IRX2: variants seen among roughly 807,000 people sequenced by gnomAD.
The protein encoded by IRX2 is iroquois-class homeodomain protein IRX-2.
Under a neutral mutation model 42.9 loss-of-function variants are expected in IRX2, and 26 were observed. That is an observed-to-expected ratio of 0.61 (90% CI 0.44 to 0.84). The LOEUF (loss-of-function observed/expected upper bound fraction) is 0.84. Among genes scored for constraint, IRX2 ranks in the 40% least tolerant of loss-of-function variants. IRX2 has a pLI of 0.00. For missense variants in IRX2, 782 were observed against 713.9 expected, an observed-to-expected ratio of 1.10 and a Z score of -1.09; for synonymous variants, 424 against 353.9, an observed-to-expected ratio of 1.20 and a Z score of -2.22.
Position 2,748,798 on chromosome 5 carries a change from GCGCGGCCTCGGGCGGGGGGCTC to G in IRX2, c.888_909del (p.Ser297ProfsTer95). 1 of 1,427,510 alleles carries G rather than the reference GCGCGGCCTCGGGCGGGGGGCTC, an allele frequency of 7.0e-7. No homozygotes were observed. Among genetic ancestry groups the G allele is most frequent in the Non-Finnish European group, 9.1e-7 (1 of 1,104,064 alleles). 88.4% of individuals were successfully genotyped at this position (1,427,510 alleles called of 1,614,324 possible). A position where few individuals can be genotyped will look rare whatever the true frequency, so the allele number is the denominator to read the frequency against. ...TGGGGCGTCTTGCGGCCACCGCGGG[GCGCGGCCTCGGGCGGGGGGCTC>G]AGCAGCGGCGCCTCCAAGCCGGTAA... On this transcript the variant is annotated frameshift_variant, in exon 3 of 4. Coordinates refer to ENST00000302057, the MANE Select transcript of IRX2 (RefSeq NM_033267.5). LOFTEE classifies it high-confidence loss of function.
chr5:2,751,301 C>A lies in IRX2; in HGVS notation c.113G>T (p.Arg38Leu). The A allele has an allele frequency of 7.0e-7, 1 of 1,432,716 alleles. No homozygotes were observed. The highest frequency in any genetic ancestry group is 9.1e-7 in the Non-Finnish European group (1 of 1,093,242). The allele number at this position is 1,432,716 out of a possible 1,614,324, so 88.8% of individuals were successfully genotyped here. Residue 38 changes from arginine (R) to leucine (L), a missense_variant, in exon 1 of 4, where the codon CGC (arginine) becomes CTC (leucine). Arg to Leu is a moderately radical substitution (Grantham distance 102). This residue lies in a region of IRX2 where 256 missense variants were observed against 250.0 expected (regional missense o/e 1.02). Transcript: ENST00000302057. This position sits in a 1 kb window ranked among gnomAD's most constrained non-coding sequence, Gnocchi z 4.0. ...LAAPRSEELA[R>L]SASGSAFSPY... ...GCTGAACGCCGAGCCCGACGCCGAGCGCGCCAGCTCCTCGCTGCGCGGAGC... is the reference window on the plus strand; with the variant it reads ...GCTGAACGCCGAGCCCGACGCCGAGAGCGCCAGCTCCTCGCTGCGCGGAGC...
downstream of IRX2, among the ~76,000 whole-genome samples, chr5:2,740,974 A>C (rs184422350): frequency 8.4e-4 from 128 of 152,220 alleles, 1 homozygote; most frequent in East Asian, 0.022. Flanking sequence ...TAATCTGGTC[A>C]CTCACCTCCT....
the IRX2 span, among the ~76,000 whole-genome samples, chr5:2,738,180 C>T: frequency 2.0e-5 from 3 of 152,240 alleles, no homozygotes; most frequent in Admixed American, 2.0e-4. Flanking sequence ...TCAGCCCCTT[C>T]CTTTATAAAA....
the IRX2 span, among the ~76,000 whole-genome samples, chr5:2,736,179 C>T: frequency 6.6e-6 from 1 of 152,182 alleles, no homozygotes; most frequent in African/African-American, 2.4e-5. Context: ...CCCAACAGCC[C>T]TCGGGTAGGT....
At chr5:2,735,854 C>T in the IRX2 span, among the ~76,000 whole-genome samples, 3 of 152,156 alleles carry the variant, frequency 2.0e-5, no homozygotes, top group Admixed American at 6.5e-5. Flanking sequence ...GAGATTTGAA[C>T]TCAGAACTCA....
chr5:2,743,210 C>T (rs1263452372), downstream of IRX2, among the ~76,000 whole-genome samples: 1 of 152,182 alleles, frequency 6.6e-6, no homozygotes, highest in African/African-American at 2.4e-5. Flanking sequence ...CAGCACCCAG[C>T]CCCCTTCCTC....
the IRX2 span, among the ~76,000 whole-genome samples, chr5:2,736,476 T>G: frequency 6.6e-6 from 1 of 152,252 alleles, no homozygotes; most frequent in Admixed American, 6.5e-5. Context: ...ATAGAAAGCT[T>G]TGAATATGCT....
At chr5:2,743,636 G>A (rs1033301817), downstream of IRX2, among the ~76,000 whole-genome samples, 1 of 152,190 alleles carries the variant, frequency 6.6e-6, no homozygotes, top group African/African-American at 2.4e-5. Flanking sequence ...ACGTCTCCCC[G>A]GCCTCAGTCA....
chr5:2,738,459 C>G, the IRX2 span, among the ~76,000 whole-genome samples: 1 of 152,202 alleles, frequency 6.6e-6, no homozygotes, highest in African/African-American at 2.4e-5. Context: ...AATAAACTAA[C>G]GTCATCCTGG....
downstream of IRX2, among the ~76,000 whole-genome samples, chr5:2,745,496 T>C (rs1457924956): frequency 6.6e-6 from 1 of 152,156 alleles, no homozygotes; most frequent in Non-Finnish European, 1.5e-5. Flanking sequence ...TTTAGACTTG[T>C]CCTATAATTA....
At chr5:2,749,885 C>T in intron 1 of IRX2, 98 bp from the exon 2 acceptor site, 1 of 1,286,538 alleles carries the variant, frequency 7.8e-7, no homozygotes, top group Non-Finnish European at 1.0e-6. Flanking sequence ...CCACCGTTCC[C>T]CCCGTGAGTC....
the IRX2 span, among the ~76,000 whole-genome samples, chr5:2,739,339 G>A: frequency 1.3e-5 from 2 of 152,224 alleles, no homozygotes; most frequent in Non-Finnish European, 2.9e-5. Flanking sequence ...GGTGCCGGGG[G>A]TACGGCCTGG....
At chr5:2,740,079 G>A in the IRX2 span, among the ~76,000 whole-genome samples, 7 of 152,112 alleles carry the variant, frequency 4.6e-5, no homozygotes, top group African/African-American at 1.7e-4. Context: ...GGCTTCGGAG[G>A]GCCCGACTGG....
chr5:2,739,443 G>A, the IRX2 span, among the ~76,000 whole-genome samples: 1 of 152,252 alleles, frequency 6.6e-6, no homozygotes, highest in South Asian at 2.1e-4. Context: ...CAGAGCGGTG[G>A]AAAAGCGCTG....
chr5:2,745,384 T>G (rs1267306954), downstream of IRX2, among the ~76,000 whole-genome samples: 1 of 152,050 alleles, frequency 6.6e-6, no homozygotes, highest in Non-Finnish European at 1.5e-5. Context: ...TTCTCTGAAA[T>G]TATATTATAT....
downstream of IRX2, among the ~76,000 whole-genome samples, chr5:2,742,182 T>C (rs554047299): frequency 6.6e-6 from 1 of 152,262 alleles, no homozygotes; most frequent in South Asian, 2.1e-4. Flanking sequence ...GGGTGTCTGC[T>C]TCCTAAAACT....
At chr5:2,747,952 C>G (rs1227306504) in intron 3 of IRX2, among the ~76,000 whole-genome samples, 1 of 152,138 alleles carries the variant, frequency 6.6e-6, no homozygotes, top group Non-Finnish European at 1.5e-5. Context: ...GTAACTGGAA[C>G]GTTCTGTTTG....
chr5:2,751,520 C>T lies in IRX2; in HGVS notation c.-107G>A, dbSNP rs1737989640. 2.5e-6 allele frequency: 2 copies of T among 815,960 alleles called. No individual in the cohort carries two copies. The highest frequency in any genetic ancestry group is 2.9e-6 in the Non-Finnish European group (2 of 679,240). The allele number at this position is 815,960 out of a possible 1,614,324, so 50.5% of individuals were successfully genotyped here. ...CGCGGCGCGGCGGCGGGCACCCGGA[C>T]GGCCGGCGGAGGCAGGCCGGCCCGG... On this transcript the variant is annotated 5_prime_UTR_variant, in exon 1 of 4. Transcript: ENST00000302057. The surrounding 1 kb of genome is among the most constrained non-coding windows in gnomAD (Gnocchi z 4.0).
rs867980117 is a variant in IRX2 at position 2,747,598 on chromosome 5, G to T, written c.1382C>A (p.Thr461Asn). 1.9e-6 allele frequency: 3 copies of T among 1,614,010 alleles called. No individual in the cohort carries two copies. The highest frequency in any genetic ancestry group is 1.7e-5 in the Admixed American group (1 of 60,028). Residue 461 changes from threonine (T) to asparagine (N), a missense_variant, in exon 4 of 4, where the codon ACC becomes AAC. Thr to Asn is a moderately conservative substitution (Grantham distance 65). Transcript: ENST00000302057. ...GGGCTGGACGCCCCCGCCAACCACG[G>T]TGCAGCCCTCGCTGGCATCTGTCAG... is the stretch of plus-strand genomic sequence containing the variant. ...EPKKDASEGC[T>N]VVGGGVQPYL is the part of the protein sequence containing the mutation.
Sources: gnomAD v4.1 joint callset for allele counts (sites outside exome capture counted in the v4.1 genomes callset) on GRCh38, gnomAD v4.1.1 for gene constraint, gnomAD v4.1.1 regional missense constraint, Gnocchi (gnomAD v3.1) non-coding constraint, MANE v1.5 for transcripts, NCBI Gene and HGNC (gene_info 2026-07-23, HGNC 2026-07-21) for gene names.